The following PDSS2 variants were observed in gnomAD, a reference collection of about 807,000 sequenced individuals.
PDSS2 encodes the protein all trans-polyprenyl-diphosphate synthase PDSS2.
In PDSS2, 31 loss-of-function variants were observed where a neutral mutation model predicts 44.5. The observed-to-expected ratio is 0.70, with a 90% CI of 0.52 to 0.94. The LOEUF (loss-of-function observed/expected upper bound fraction) is 0.94, where lower values mean the gene tolerates loss of function less well. Among genes scored for constraint, PDSS2 ranks in the 40% least tolerant of loss-of-function variants. PDSS2 has a pLI of 0.00. For synonymous variants in PDSS2, 157 were observed against 180.3 expected (o/e 0.87, Z 1.03); for missense variants, 452 against 482.2 (o/e 0.94, Z 0.59).
intron 1 of PDSS2, among the ~76,000 whole-genome samples, chr6:107,398,040 C>T (rs1383526756): frequency 6.6e-6 from 1 of 152,108 alleles, no homozygotes; most frequent in Non-Finnish European, 1.5e-5. Context: ...TCAAAAAGTA[C>T]ATTGACATGG....
intron 7 of PDSS2, among the ~76,000 whole-genome samples, chr6:107,181,674 G>C (rs1582747678): frequency 6.6e-6 from 1 of 151,584 alleles, no homozygotes; most frequent in Non-Finnish European, 1.5e-5. Flanking sequence ...TGGATCACCT[G>C]AGGTCAGGAG....
In PDSS2 at chr6:107,429,901, A is replaced by T. The variant is rs12662227; in HGVS notation, c.296+29089T>A. On this transcript the variant is annotated intron_variant, in intron 1 of 7. Coordinates refer to ENST00000369037, the MANE Select transcript of PDSS2 (RefSeq NM_020381.4). ...CTTAGTCTCAAAAAAAAAAAAAAAAAATATATATATATATATATATATATA... is the reference window on the plus strand; with the variant it reads ...CTTAGTCTCAAAAAAAAAAAAAAAATATATATATATATATATATATATATA... Among the ~76,000 whole-genome samples the T allele has an allele frequency of 4.9e-3, 156 of 31,696 alleles. 1 individual carries two copies. Among genetic ancestry groups the T allele is most frequent in the East Asian group, 0.025 (12 of 482 alleles). The allele number at this position is 31,696 out of a possible 152,430, so 20.8% of individuals were successfully genotyped here.
chr6:107,443,762 C>T (rs1781580969), intron 1 of PDSS2, among the ~76,000 whole-genome samples: 1 of 152,206 alleles, frequency 6.6e-6, no homozygotes, highest in Non-Finnish European at 1.5e-5. Context: ...TTTCATCCCA[C>T]ATGACCTGAC....
chr6:107,218,685 G>T (rs912501946), intron 4 of PDSS2, among the ~76,000 whole-genome samples: 2 of 152,090 alleles, frequency 1.3e-5, no homozygotes, highest in African/African-American at 4.8e-5. Context: ...TGAATTTTTT[G>T]TCTTTCTTTT....
intron 1 of PDSS2, among the ~76,000 whole-genome samples, chr6:107,387,157 T>C (rs1349849728): frequency 6.6e-6 from 1 of 152,220 alleles, no homozygotes; most frequent in Non-Finnish European, 1.5e-5. Context: ...TACTTAGACC[T>C]TGACATCTGG....
chr6:107,324,558 T>G (rs180690161), intron 2 of PDSS2, among the ~76,000 whole-genome samples: 1 of 152,148 alleles, frequency 6.6e-6, no homozygotes, highest in African/African-American at 2.4e-5. Context: ...AAAGTCACCT[T>G]TAGACCATTC....
At chr6:107,398,732 CCCA>C (rs2114574623) in intron 1 of PDSS2, among the ~76,000 whole-genome samples, 1 of 152,336 alleles carries the variant, frequency 6.6e-6, no homozygotes, top group South Asian at 2.1e-4. Flanking sequence ...GTCAAACCAG[CCCA>C]TACAACTATT....
intron 7 of PDSS2, among the ~76,000 whole-genome samples, chr6:107,168,447 C>G (rs1289447087): frequency 2.0e-5 from 3 of 151,854 alleles, no homozygotes; most frequent in African/African-American, 7.3e-5. Context: ...CAGTCTGTGT[C>G]TTTTAATTGG....
At chr6:107,172,969 C>G (rs1771637207) in intron 7 of PDSS2, among the ~76,000 whole-genome samples, 1 of 151,594 alleles carries the variant, frequency 6.6e-6, no homozygotes, top group South Asian at 2.1e-4. Context: ...ACTAAAAATA[C>G]AAAAATTAGC....
chr6:107,179,052 A>G (rs1333994508), intron 7 of PDSS2, among the ~76,000 whole-genome samples: 2 of 152,200 alleles, frequency 1.3e-5, no homozygotes, highest in African/African-American at 4.8e-5. Context: ...GTACGCTGCA[A>G]AGCACGCATA....
At chr6:107,428,851 A>T (rs1270810821) in intron 1 of PDSS2, among the ~76,000 whole-genome samples, 1 of 152,172 alleles carries the variant, frequency 6.6e-6, no homozygotes, top group Non-Finnish European at 1.5e-5. Flanking sequence ...TTCATTCATA[A>T]TTAAATAAAT....
At chr6:107,235,836 A>C (rs577969017) in intron 4 of PDSS2, among the ~76,000 whole-genome samples, 85 of 152,352 alleles carry the variant, frequency 5.6e-4, no homozygotes, top group Non-Finnish European at 1.0e-3. Flanking sequence ...AACACTGAGC[A>C]TATTAAGTAG....
chr6:107,391,050 G>C (rs1046922719), intron 1 of PDSS2, among the ~76,000 whole-genome samples: 1 of 151,680 alleles, frequency 6.6e-6, no homozygotes, highest in Non-Finnish European at 1.5e-5. Flanking sequence ...GGGGGAGGGT[G>C]GGGAGAGGAA....
At chr6:107,243,612 G>C (rs1381916710) in intron 4 of PDSS2, among the ~76,000 whole-genome samples, 2 of 152,168 alleles carry the variant, frequency 1.3e-5, no homozygotes, top group Non-Finnish European at 2.9e-5. Context: ...GCCAGAACTG[G>C]TCACTATAAT....
chr6:107,290,765 A>G (rs1582899690), intron 2 of PDSS2, among the ~76,000 whole-genome samples: 1 of 152,138 alleles, frequency 6.6e-6, no homozygotes, highest in Admixed American at 6.6e-5. Flanking sequence ...TGGGCAAGCC[A>G]TTTACAATAG....
At chr6:107,304,646 ACTGTATAT>A (rs1776799760) in intron 2 of PDSS2, among the ~76,000 whole-genome samples, 1 of 152,222 alleles carries the variant, frequency 6.6e-6, no homozygotes, top group Non-Finnish European at 1.5e-5. Context: ...GGGTTAAATT[ACTGTATAT>A]CTAGTCCTTA....
At chr6:107,420,273 T>C (rs1252999062) in intron 1 of PDSS2, among the ~76,000 whole-genome samples, 4 of 152,224 alleles carry the variant, frequency 2.6e-5, no homozygotes, top group African/African-American at 9.6e-5. Context: ...CGTCACCTTC[T>C]TCTAGCCTCA....
intron 7 of PDSS2, among the ~76,000 whole-genome samples, chr6:107,181,158 T>C (rs1466230121): frequency 1.3e-5 from 2 of 152,212 alleles, no homozygotes; most frequent in Non-Finnish European, 2.9e-5. Context: ...TATAATATTT[T>C]AAACCAAGCA....
At chr6:107,408,855 C>G (rs1780403653) in intron 1 of PDSS2, among the ~76,000 whole-genome samples, 1 of 152,118 alleles carries the variant, frequency 6.6e-6, no homozygotes, top group African/African-American at 2.4e-5. Context: ...GCTTTTTGCT[C>G]CATGAACACT....
Sources: gnomAD v4.1 joint callset for allele counts (sites outside exome capture counted in the v4.1 genomes callset) on GRCh38, gnomAD v4.1.1 for gene constraint, MANE v1.5 for transcripts, NCBI Gene and HGNC (gene_info 2026-07-23, HGNC 2026-07-21) for gene names.